The following MKX variants were observed in gnomAD, a reference collection of about 807,000 sequenced individuals.
MKX encodes mohawk homeobox.
A neutral mutation model predicts 36.0 loss-of-function variants in MKX; 13 were observed. That is an observed-to-expected ratio of 0.36 (90% CI 0.24 to 0.57). The LOEUF (loss-of-function observed/expected upper bound fraction) is 0.57, where lower values mean the gene tolerates loss of function less well. MKX is among the 20% of genes least tolerant of loss of function. The probability of loss-of-function intolerance (pLI) is 0.79; values close to 1 mark genes in which losing one functional copy is unlikely to be tolerated. For missense variants in MKX, 458 were observed against 456.4 expected (o/e 1.00, Z -0.03); for synonymous variants, 176 against 178.3 (o/e 0.99, Z 0.10).
At chr10:27,720,512 T>C (rs1834353922) in intron 5 of MKX, among the ~76,000 whole-genome samples, 1 of 152,090 alleles carries the variant, frequency 6.6e-6, no homozygotes, top group South Asian at 2.1e-4. Context: ...CTTAAATAGA[T>C]TAAAAGAGGA....
chr10:27,726,537 G>A (rs1292072188), intron 5 of MKX, among the ~76,000 whole-genome samples: 1 of 151,994 alleles, frequency 6.6e-6, no homozygotes, highest in South Asian at 2.1e-4. Flanking sequence ...TCTATCGGCT[G>A]TGCTTTTTAT....
chr10:27,741,286 T>C lies in MKX; in HGVS notation c.348+59A>G, dbSNP rs1834887351. The C allele has an allele frequency of 1.3e-6, 2 of 1,599,768 alleles. No individual in the cohort carries two copies. The highest frequency in any genetic ancestry group is 8.5e-7 in the Non-Finnish European group (1 of 1,173,714). On this transcript the variant is annotated intron_variant, in intron 3 of 6. Transcript: ENST00000419761. This position sits in a 1 kb window ranked among gnomAD's most constrained non-coding sequence, Gnocchi z 5.1. Reference sequence around the variant, plus strand: ...TGGAGAGCCACACGAACTCTAAGCGTTCCCGCTCTTCAGCCCCTCGCGGGA... The same window carrying C: ...TGGAGAGCCACACGAACTCTAAGCGCTCCCGCTCTTCAGCCCCTCGCGGGA...
At chr10:27,718,172 C>T (rs548228329) in intron 5 of MKX, among the ~76,000 whole-genome samples, 2 of 151,512 alleles carry the variant, frequency 1.3e-5, no homozygotes, top group African/African-American at 4.8e-5. Context: ...GAATCTAAAG[C>T]GCTAAGCAAA....
chr10:27,734,049 G>A (rs115292524), intron 5 of MKX, among the ~76,000 whole-genome samples: 7,648 of 151,876 alleles, frequency 0.05, 623 homozygotes, highest in African/African-American at 0.17. Flanking sequence ...GCCACAATCC[G>A]GCACTATCCT....
rs1380139308 is a variant in MKX, at chr10:27,673,210, A to T, written c.*2019T>A. 1 of 152,208 alleles carries T rather than the reference A, an allele frequency of 6.6e-6. No homozygotes were observed. The highest frequency in any genetic ancestry group is 1.5e-5 in the Non-Finnish European group (1 of 68,000). 9.4% of individuals were successfully genotyped at this position (152,208 alleles called of 1,614,324 possible). On this transcript the variant is annotated 3_prime_UTR_variant, in exon 7 of 7. Transcript: ENST00000419761. Reference sequence around the variant, plus strand: ...ATCTTCCAACCTTTGGTATTAAAAAAAATCATGTGAATAGTTGTCCTATAT... The same window carrying T: ...ATCTTCCAACCTTTGGTATTAAAAATAATCATGTGAATAGTTGTCCTATAT...
At chr10:27,695,777 T>G (rs922099340) in intron 5 of MKX, among the ~76,000 whole-genome samples, 1 of 151,928 alleles carries the variant, frequency 6.6e-6, no homozygotes, top group East Asian at 1.9e-4. Context: ...ATAAAGAGAA[T>G]AGAAAAAACA....
In MKX at chr10:27,685,652, G is replaced by C. The variant is rs185502735; in HGVS notation, c.839-10098C>G. Among the ~76,000 whole-genome samples, 69 of 152,072 alleles carry C rather than the reference G, an allele frequency of 4.5e-4. 1 individual carries two copies. Among genetic ancestry groups the C allele is most frequent in the Admixed American group, 1.9e-3 (29 of 15,282 alleles). Reference sequence around the variant, plus strand: ...TTTTTAGTAGAGACGGGGTTTCACCGTGTTAGCCAGGATGGTCTCAATCTC... The same window carrying C: ...TTTTTAGTAGAGACGGGGTTTCACCCTGTTAGCCAGGATGGTCTCAATCTC... On this transcript the variant is annotated intron_variant, in intron 5 of 6. Coordinates refer to ENST00000419761, the MANE Select transcript of MKX (RefSeq NM_173576.3).
intron 5 of MKX, among the ~76,000 whole-genome samples, chr10:27,698,022 G>T (rs1166666819): frequency 6.6e-6 from 1 of 152,234 alleles, no homozygotes; most frequent in Admixed American, 6.5e-5. Flanking sequence ...GAATGCCTCA[G>T]CCTGAGGTCA....
chr10:27,739,675 A>T (rs1035983562), intron 3 of MKX, among the ~76,000 whole-genome samples: 1 of 152,184 alleles, frequency 6.6e-6, no homozygotes, highest in African/African-American at 2.4e-5. Context: ...ATGCTACTTC[A>T]TAATTTAAAA....
At chr10:27,724,859 A>G (rs1421596116) in intron 5 of MKX, among the ~76,000 whole-genome samples, 1 of 151,742 alleles carries the variant, frequency 6.6e-6, no homozygotes, top group Non-Finnish European at 1.5e-5. Context: ...TCTATTTCCC[A>G]TAATAACCAA....
At chr10:27,713,156 T>C (rs1836902523) in intron 5 of MKX, among the ~76,000 whole-genome samples, 1 of 152,154 alleles carries the variant, frequency 6.6e-6, no homozygotes, top group Non-Finnish European at 1.5e-5. Context: ...GCACCAAATA[T>C]ACCATATGCT....
chr10:27,736,782 T>C (rs1834788790), intron 3 of MKX, among the ~76,000 whole-genome samples: 1 of 152,162 alleles, frequency 6.6e-6, no homozygotes, highest in Non-Finnish European at 1.5e-5. Context: ...TTCCCATATG[T>C]ATTTAATATT....
intron 5 of MKX, among the ~76,000 whole-genome samples, chr10:27,701,480 TATAA>T (rs1426913561): frequency 1.4e-5 from 2 of 145,848 alleles, no homozygotes; most frequent in Non-Finnish European, 3.0e-5. Context: ...ATAAAAGGTG[TATAA>T]ATATATAATA....
chr10:27,695,372 C>G (rs907868272), intron 5 of MKX, among the ~76,000 whole-genome samples: 1 of 151,876 alleles, frequency 6.6e-6, no homozygotes, highest in African/African-American at 2.4e-5. Flanking sequence ...GTTAATTACA[C>G]CGCCCACAGT....
intron 5 of MKX, among the ~76,000 whole-genome samples, chr10:27,692,238 A>G (rs192449631): frequency 2.0e-5 from 3 of 152,348 alleles, no homozygotes; most frequent in Admixed American, 2.0e-4. Context: ...TTAAATATGG[A>G]TATAATACCT....
At position 27,734,463 on chromosome 10, in the gene MKX, A is replaced by G; in HGVS notation, c.831T>C (p.Tyr277=). ...CAGAAAGCACGGACTTACCTGTGCGATAGACAAAGTTGCCTTCAGTTTCTG... is the reference window on the plus strand; with the variant it reads ...CAGAAAGCACGGACTTACCTGTGCGGTAGACAAAGTTGCCTTCAGTTTCTG... The part of the protein sequence containing the change: ...SSSETEGNFV[Y]RTDTLENGSN... Residue 277 remains tyrosine (Y), a synonymous_variant, in exon 5 of 7, where the codon TAT becomes TAC. Transcript: ENST00000419761. 6.2e-7 allele frequency: 1 copy of G among 1,613,920 alleles called. No homozygotes were observed. Among genetic ancestry groups the G allele is most frequent in the Non-Finnish European group, 8.5e-7 (1 of 1,179,882 alleles).
At chr10:27,736,866 T>C (rs1462899335) in intron 3 of MKX, among the ~76,000 whole-genome samples, 1 of 152,148 alleles carries the variant, frequency 6.6e-6, no homozygotes, top group Admixed American at 6.5e-5. Context: ...TGCAATGACA[T>C]ATTATCTCAC....
intron 5 of MKX, among the ~76,000 whole-genome samples, chr10:27,706,352 A>C (rs965638943): frequency 3.3e-5 from 5 of 152,124 alleles, no homozygotes; most frequent in African/African-American, 9.7e-5. Context: ...TGGGTATACA[A>C]ATATTTGTTT....
At chr10:27,716,677 G>A (rs1188784052) in intron 5 of MKX, among the ~76,000 whole-genome samples, 2 of 152,082 alleles carry the variant, frequency 1.3e-5, no homozygotes, top group Admixed American at 1.3e-4. Flanking sequence ...ATTTAAAGCG[G>A]TACATTTTTT....
Sources: gnomAD v4.1 joint callset for allele counts (sites outside exome capture counted in the v4.1 genomes callset) on GRCh38, gnomAD v4.1.1 for gene constraint, Gnocchi (gnomAD v3.1) non-coding constraint, MANE v1.5 for transcripts, NCBI Gene and HGNC (gene_info 2026-07-23, HGNC 2026-07-21) for gene names.